LTBP1: variants seen among roughly 807,000 people sequenced by gnomAD.
LTBP1 encodes the protein latent-transforming growth factor beta-binding protein 1.
LTBP1 carries 129 observed loss-of-function variants against 207.6 expected under a neutral mutation model. The ratio of observed to expected loss-of-function variants is 0.62; its 90% CI spans 0.54 to 0.72. The LOEUF is 0.72. Among genes scored for constraint, LTBP1 ranks in the 30% least tolerant of loss-of-function variants. LTBP1 has a pLI of 0.00. For missense variants in LTBP1, 2,281 were observed against 2,217.2 expected, an observed-to-expected ratio of 1.03 and a Z score of -0.58; for synonymous variants, 963 against 833.7, an observed-to-expected ratio of 1.16 and a Z score of -2.67.
At chr2:33,079,647 G>A (rs1018639897) in intron 3 of LTBP1, among the ~76,000 whole-genome samples, 6 of 152,006 alleles carry the variant, frequency 3.9e-5, no homozygotes, top group Non-Finnish European at 8.8e-5. Context: ...ATAACCAGTT[G>A]CACCCTGCTT....
At chr2:32,950,481 C>T (rs1414761138) in intron 2 of LTBP1, among the ~76,000 whole-genome samples, 1 of 151,156 alleles carries the variant, frequency 6.6e-6, no homozygotes, top group Non-Finnish European at 1.5e-5. Flanking sequence ...ATTGCTTGAA[C>T]CCAGGAGGTG....
intron 6 of LTBP1, 111 bp downstream of exon 6, chr2:33,187,191 A>G (rs1242346074): frequency 2.3e-6 from 2 of 859,962 alleles, no homozygotes; most frequent in Non-Finnish European, 1.8e-6. Flanking sequence ...AGAAAGGAGT[A>G]CATGATTTGT....
chr2:33,092,702 G>T (rs1391360804), intron 3 of LTBP1, among the ~76,000 whole-genome samples: 2 of 152,152 alleles, frequency 1.3e-5, no homozygotes, highest in African/African-American at 4.8e-5. Flanking sequence ...TTAAATGGAA[G>T]GAGTATTTGA....
At chr2:33,096,195 CA>C (rs1462321957) in intron 3 of LTBP1, among the ~76,000 whole-genome samples, 1 of 151,936 alleles carries the variant, frequency 6.6e-6, no homozygotes, top group Non-Finnish European at 1.5e-5. Context: ...TCATCAGGTA[CA>C]AAGTAGGTCA....
At chr2:33,028,326 A>T (rs1214662820) in intron 3 of LTBP1, among the ~76,000 whole-genome samples, 1 of 152,210 alleles carries the variant, frequency 6.6e-6, no homozygotes, top group Non-Finnish European at 1.5e-5. Context: ...ATTCTGTGCC[A>T]GACACAATTC....
chr2:32,996,664 A>G (rs936504074), intron 2 of LTBP1, among the ~76,000 whole-genome samples: 4 of 152,096 alleles, frequency 2.6e-5, no homozygotes, highest in African/African-American at 9.7e-5. Context: ...GGCACTTCGG[A>G]GTTTTCAAGG....
In LTBP1 at chr2:33,243,678, G is replaced by C. The variant is rs147960436; in HGVS notation, c.1893G>C (p.Gln631His). 5.0e-5 allele frequency: 80 copies of C among 1,613,700 alleles called. No homozygotes were observed. Among genetic ancestry groups the C allele is most frequent in the African/African-American group, 3.1e-4 (23 of 74,908 alleles). ...NTFCQDINEC[Q>H]LQGVCPNGEC... Reference sequence around the variant, plus strand: ...TTCCTGCAGATATTAATGAATGTCAGCTACAAGGTGTATGCCCTAATGGTG... The same window carrying C: ...TTCCTGCAGATATTAATGAATGTCACCTACAAGGTGTATGCCCTAATGGTG... The change falls in exon 10 of 34, where the codon CAG becomes CAC. Residue 631 changes from glutamine (Q) to histidine (H), a missense_variant. Physicochemically the swap from Gln to His is conservative, Grantham distance 24. Around this residue, in one of 3 missense-constraint regions of LTBP1, gnomAD observed 1,671 missense variants for 1,634.8 expected, o/e 1.02. Transcript: ENST00000404816.
intron 3 of LTBP1, among the ~76,000 whole-genome samples, chr2:33,106,373 A>G (rs950549243): frequency 1.3e-5 from 2 of 152,208 alleles, no homozygotes; most frequent in Non-Finnish European, 2.9e-5. Context: ...GATGTTTTCC[A>G]ATTTACTTTG....
intron 3 of LTBP1, among the ~76,000 whole-genome samples, chr2:33,076,065 G>A (rs1249185447): frequency 6.6e-6 from 1 of 152,150 alleles, no homozygotes; most frequent in African/African-American, 2.4e-5. Context: ...GGAATATTAA[G>A]GTATGTTTGG....
At chr2:33,030,516 A>G (rs898549422) in intron 3 of LTBP1, among the ~76,000 whole-genome samples, 1 of 152,208 alleles carries the variant, frequency 6.6e-6, no homozygotes, top group South Asian at 2.1e-4. Flanking sequence ...TCACACCTTA[A>G]TTGCTTTAAC....
intron 2 of LTBP1, among the ~76,000 whole-genome samples, chr2:32,973,440 A>T (rs746226705): frequency 6.6e-6 from 1 of 151,876 alleles, no homozygotes. Flanking sequence ...TTATATTTTT[A>T]TTTTTAATTT....
At chr2:33,021,786 C>G (rs1233880210) in intron 3 of LTBP1, among the ~76,000 whole-genome samples, 1 of 151,876 alleles carries the variant, frequency 6.6e-6, no homozygotes, top group Non-Finnish European at 1.5e-5. Context: ...TTTATGGGAA[C>G]AAGGTTTTTT....
At chr2:33,117,423 C>T (rs1482760734) in intron 4 of LTBP1, among the ~76,000 whole-genome samples, 1 of 152,054 alleles carries the variant, frequency 6.6e-6, no homozygotes, top group African/African-American at 2.4e-5. Flanking sequence ...ATGTCTGGAG[C>T]GAAGAGTCTT....
intron 9 of LTBP1, among the ~76,000 whole-genome samples, chr2:33,226,368 A>G (rs1385958241): frequency 6.6e-6 from 1 of 152,182 alleles, no homozygotes; most frequent in African/African-American, 2.4e-5. Context: ...GCATACCCCA[A>G]AGTTGGGGCC....
At chr2:33,274,920 C>G (rs373933891) in intron 16 of LTBP1, 45 bp from the exon 17 acceptor site, 13 of 1,597,282 alleles carry the variant, frequency 8.1e-6, no homozygotes, top group Non-Finnish European at 9.4e-6. Context: ...AAACTAAGTT[C>G]TTGCTACACA....
intron 3 of LTBP1, among the ~76,000 whole-genome samples, chr2:33,057,136 T>C (rs1466827053): frequency 6.8e-6 from 1 of 147,868 alleles, no homozygotes; most frequent in Non-Finnish European, 1.5e-5. Flanking sequence ...CTGATTGGTG[T>C]ATTCACAATC....
intron 3 of LTBP1, among the ~76,000 whole-genome samples, chr2:33,033,996 G>A (rs2075805285): frequency 6.6e-6 from 1 of 152,092 alleles, no homozygotes; most frequent in African/African-American, 2.4e-5. Flanking sequence ...CCCCTCCCCG[G>A]CTCCCTGGGG....
At chr2:33,027,547 T>C (rs1394583007) in intron 3 of LTBP1, among the ~76,000 whole-genome samples, 3 of 152,182 alleles carry the variant, frequency 2.0e-5, no homozygotes, top group African/African-American at 7.2e-5. Flanking sequence ...GTGAAAATTC[T>C]AGAAGAAGGC....
At chr2:33,087,519 G>A (rs893801788) in intron 3 of LTBP1, among the ~76,000 whole-genome samples, 1 of 151,826 alleles carries the variant, frequency 6.6e-6, no homozygotes, top group African/African-American at 2.4e-5. Flanking sequence ...GTTTTAAGAT[G>A]GGGGAATTTA....
Sources: gnomAD v4.1 joint callset for allele counts (sites outside exome capture counted in the v4.1 genomes callset) on GRCh38, gnomAD v4.1.1 for gene constraint, gnomAD v4.1.1 regional missense constraint, MANE v1.5 for transcripts, NCBI Gene and HGNC (gene_info 2026-07-23, HGNC 2026-07-21) for gene names.